The following SLIT2 variants were observed in gnomAD, a reference collection of about 807,000 sequenced individuals.
The protein encoded by SLIT2 is slit homolog 2 protein.
Under a neutral mutation model 185.7 loss-of-function variants are expected in SLIT2, and 41 were observed. The observed-to-expected ratio is 0.22, with a 90% CI of 0.17 to 0.29. SLIT2 has a LOEUF of 0.29. Ranked by LOEUF, SLIT2 falls within the 10% of genes least tolerant of loss-of-function variation. SLIT2 has a pLI of 1.00. For missense variants in SLIT2, 1,571 were observed against 1,909.0 expected (o/e 0.82, Z 3.30); for synonymous variants, 693 against 680.2 (o/e 1.02, Z -0.29).
At position 20,601,088 on chromosome 4, in the gene SLIT2, A is replaced by G. The variant is rs1014180791; in HGVS notation, c.3692+2693A>G. Among the ~76,000 whole-genome samples the G allele has an allele frequency of 5.9e-5, 9 of 152,334 alleles. No individual in the cohort carries two copies. The East Asian group carries it at 7.7e-4, about 13-fold the overall frequency. ...TCATGTATTTGCACAAAGAAAAACTAGACACAAAGAAATAGAAACAAGACT... is the reference window on the plus strand; with the variant it reads ...TCATGTATTTGCACAAAGAAAAACTGGACACAAAGAAATAGAAACAAGACT... On this transcript the variant is annotated intron_variant, in intron 33 of 36. Coordinates refer to ENST00000504154, the MANE Select transcript of SLIT2 (RefSeq NM_004787.4).
At chr4:20,474,142 G>A (rs1715854700) in intron 5 of SLIT2, among the ~76,000 whole-genome samples, 1 of 152,012 alleles carries the variant, frequency 6.6e-6, no homozygotes. Flanking sequence ...AACCTGTAGG[G>A]AGGGCTTTTT....
chr4:20,362,715 TAAAAC>T (rs1220024817), intron 4 of SLIT2, among the ~76,000 whole-genome samples: 10 of 152,072 alleles, frequency 6.6e-5, no homozygotes, highest in Middle Eastern at 3.4e-3. Flanking sequence ...AAAACTATAT[TAAAAC>T]AAACGCACAA....
At chr4:20,582,590 GCAGTTTGAGGTATGA>G (rs1726679285) in intron 29 of SLIT2, among the ~76,000 whole-genome samples, 1 of 152,134 alleles carries the variant, frequency 6.6e-6, no homozygotes, top group Non-Finnish European at 1.5e-5. Context: ...TGTAACTTTT[GCAGTTTGAGGTATGA>G]CAGCAAAACT....
intron 32 of SLIT2, among the ~76,000 whole-genome samples, chr4:20,597,827 C>T (rs1354094657): frequency 6.6e-6 from 1 of 152,074 alleles, no homozygotes; most frequent in Non-Finnish European, 1.5e-5. Flanking sequence ...CAAAATGGGC[C>T]AAAGAGCAGG....
At chr4:20,573,298 A>G (rs936097081) in intron 29 of SLIT2, 7 of 702,766 alleles carry the variant, frequency 1.0e-5, no homozygotes, top group Non-Finnish European at 1.8e-5. Flanking sequence ...TTTTCATTTT[A>G]GTCTCCCTCT....
intron 4 of SLIT2, among the ~76,000 whole-genome samples, chr4:20,282,110 G>C (rs1431168144): frequency 1.3e-5 from 2 of 152,076 alleles, no homozygotes; most frequent in Non-Finnish European, 2.9e-5. Flanking sequence ...TGACAGAGGG[G>C]TAATAATGAA....
intron 9 of SLIT2, among the ~76,000 whole-genome samples, chr4:20,506,778 T>G (rs917153095): frequency 4.6e-5 from 7 of 151,964 alleles, no homozygotes; most frequent in Admixed American, 1.3e-4. Context: ...TATATTAAAA[T>G]TTATTGTTTG....
At chr4:20,359,937 T>A (rs1722609474) in intron 4 of SLIT2, among the ~76,000 whole-genome samples, 1 of 151,984 alleles carries the variant, frequency 6.6e-6, no homozygotes, top group South Asian at 2.1e-4. Flanking sequence ...GACAATGCAT[T>A]TTAGAGAAGA....
At chr4:20,451,333 G>A (rs556293281) in intron 4 of SLIT2, among the ~76,000 whole-genome samples, 9 of 152,214 alleles carry the variant, frequency 5.9e-5, no homozygotes, top group African/African-American at 1.9e-4. Flanking sequence ...GGAGTTAATC[G>A]ACTGACTTCT....
intron 29 of SLIT2, among the ~76,000 whole-genome samples, chr4:20,571,701 T>C (rs1023709530): frequency 6.6e-6 from 1 of 152,254 alleles, no homozygotes; most frequent in Non-Finnish European, 1.5e-5. Flanking sequence ...CCTGCTATGC[T>C]CAGGGAATAT....
intron 25 of SLIT2, among the ~76,000 whole-genome samples, chr4:20,551,158 A>G (rs1200367449): frequency 6.6e-6 from 1 of 152,164 alleles, no homozygotes; most frequent in Non-Finnish European, 1.5e-5. Flanking sequence ...TGGCTCTCCA[A>G]CTTTACTAGC....
chr4:20,262,218 TA>T (rs1414158827), intron 3 of SLIT2, among the ~76,000 whole-genome samples: 2 of 151,812 alleles, frequency 1.3e-5, no homozygotes, highest in Non-Finnish European at 2.9e-5. Context: ...AAGACAAATT[TA>T]TTTTTTTTAA....
intron 5 of SLIT2, among the ~76,000 whole-genome samples, chr4:20,477,133 T>C (rs145241137): frequency 6.1e-4 from 86 of 140,286 alleles, no homozygotes; most frequent in African/African-American, 2.2e-3. Flanking sequence ...TTCTAGGGCA[T>C]CAGAAGATAT....
intron 3 of SLIT2, among the ~76,000 whole-genome samples, chr4:20,260,182 A>G (rs920711807): frequency 6.6e-6 from 1 of 151,846 alleles, no homozygotes; most frequent in African/African-American, 2.4e-5. Context: ...TCAAACTGCT[A>G]TGGCCTGTGG....
chr4:20,441,510 C>G (rs977670266), intron 4 of SLIT2, among the ~76,000 whole-genome samples: 3 of 134,200 alleles, frequency 2.2e-5, no homozygotes, highest in Non-Finnish European at 4.9e-5. Flanking sequence ...CTCGCCCCCC[C>G]CCACTTCTGT....
Position 20,522,235 on chromosome 4 carries a change from G to T in SLIT2, c.1131-1525G>T, listed in dbSNP as rs557638251. On this transcript the variant is annotated intron_variant, in intron 12 of 36. Transcript: ENST00000504154. Reference sequence around the variant, plus strand: ...TCTGAATGTAAGAGTTGAGTCCATTGCAACTCATCTATAAAACTGTCCTGT... The same window carrying T: ...TCTGAATGTAAGAGTTGAGTCCATTTCAACTCATCTATAAAACTGTCCTGT... 2.0e-4 allele frequency among the ~76,000 whole-genome samples: 31 copies of T among 152,202 alleles called. No individual in the cohort carries two copies. The South Asian group carries it at 5.6e-3, about 28-fold the overall frequency.
intron 30 of SLIT2, among the ~76,000 whole-genome samples, chr4:20,594,665 T>G (rs1283449780): frequency 1.3e-5 from 2 of 152,138 alleles, no homozygotes. Flanking sequence ...TCCTGCATCC[T>G]TGGTATCATA....
intron 4 of SLIT2, among the ~76,000 whole-genome samples, chr4:20,314,420 G>A (rs959493646): frequency 6.6e-6 from 1 of 152,132 alleles, no homozygotes; most frequent in Admixed American, 6.6e-5. Flanking sequence ...TTGAGTAAAT[G>A]TATCTGTAGC....
At chr4:20,609,719 G>C (rs1038124006) in intron 33 of SLIT2, among the ~76,000 whole-genome samples, 1 of 152,180 alleles carries the variant, frequency 6.6e-6, no homozygotes, top group African/African-American at 2.4e-5. Flanking sequence ...ATTATCCTTT[G>C]AAATTGTTAC....
Sources: gnomAD v4.1 joint callset for allele counts (sites outside exome capture counted in the v4.1 genomes callset) on GRCh38, gnomAD v4.1.1 for gene constraint, MANE v1.5 for transcripts, NCBI Gene and HGNC (gene_info 2026-07-23, HGNC 2026-07-21) for gene names.